Variants in RAD51B observed in about 807,000 individuals in gnomAD.
RAD51B encodes DNA repair protein RAD51 homolog 2.
In RAD51B, 38 loss-of-function variants were observed where a neutral mutation model predicts 42.2. The observed-to-expected ratio is 0.90, with a 90% confidence interval of 0.70 to 1.18. RAD51B has a LOEUF of 1.18. Among genes scored for constraint, RAD51B ranks in the 50% most tolerant of loss-of-function variants. RAD51B has a pLI of 0.00. For missense variants in RAD51B, 373 were observed against 400.7 expected (o/e 0.93, Z 0.59); for synonymous variants, 154 against 145.2 (o/e 1.06, Z -0.43).
At chr14:68,675,423 G>C (rs1893283802) in intron 11 of RAD51B, among the ~76,000 whole-genome samples, 1 of 152,150 alleles carries the variant, frequency 6.6e-6, no homozygotes, top group Admixed American at 6.5e-5. Flanking sequence ...TATTCTCACA[G>C]CTTGCTTAGG....
chr14:67,840,979 T>C (rs909538768), intron 4 of RAD51B, among the ~76,000 whole-genome samples: 3 of 152,138 alleles, frequency 2.0e-5, no homozygotes, highest in African/African-American at 4.8e-5. Context: ...TTTTATTTTT[T>C]AGTAGAGATG....
chr14:68,452,256 T>C lies in RAD51B; in HGVS notation c.958-15916T>C, dbSNP rs2085575368. 2.0e-5 allele frequency among the ~76,000 whole-genome samples: 3 copies of C among 152,354 alleles called. 1 individual carries two copies. The South Asian group carries it at 6.2e-4, about 32-fold the overall frequency. On this transcript the variant is annotated intron_variant, in intron 9 of 10. Transcript: ENST00000471583. Reference sequence around the variant, plus strand: ...TGGATTTCTGTTGCTTGAAATTCCTTGCGACAGTATTTGTTTGCTTTAATT... The same window carrying C: ...TGGATTTCTGTTGCTTGAAATTCCTCGCGACAGTATTTGTTTGCTTTAATT...
chr14:68,649,207 C>G (rs982703096), intron 10 of RAD51B, among the ~76,000 whole-genome samples: 4 of 152,190 alleles, frequency 2.6e-5, no homozygotes, highest in African/African-American at 4.8e-5. Flanking sequence ...GGTTGAGCAG[C>G]TTGCTTTATA....
At chr14:68,601,732 A>G (rs1185609502) in intron 10 of RAD51B, among the ~76,000 whole-genome samples, 2 of 152,094 alleles carry the variant, frequency 1.3e-5, no homozygotes, top group African/African-American at 2.4e-5. Flanking sequence ...TGCCCTCCAC[A>G]TGCAGGCCCA....
At chr14:68,371,288 G>C (rs2083258840) in intron 8 of RAD51B, among the ~76,000 whole-genome samples, 2 of 152,064 alleles carry the variant, frequency 1.3e-5, no homozygotes, top group South Asian at 4.1e-4. Flanking sequence ...GGAGGCTGAG[G>C]TAGGCAGATC....
At chr14:68,059,614 T>C (rs1459211842) in intron 7 of RAD51B, among the ~76,000 whole-genome samples, 1 of 152,242 alleles carries the variant, frequency 6.6e-6, no homozygotes, top group Non-Finnish European at 1.5e-5. Context: ...AAAACTTAGG[T>C]CATATACGAC....
intron 7 of RAD51B, among the ~76,000 whole-genome samples, chr14:68,266,473 C>T (rs1189182904): frequency 6.6e-6 from 1 of 152,174 alleles, no homozygotes; most frequent in Non-Finnish European, 1.5e-5. Context: ...GAAGATAGGT[C>T]AGAAAATTAT....
chr14:67,972,192 T>A (rs1169202291), intron 7 of RAD51B, among the ~76,000 whole-genome samples: 2 of 151,824 alleles, frequency 1.3e-5, no homozygotes, highest in African/African-American at 4.8e-5. Context: ...TGGTGTCAGA[T>A]AGCAGGCAGA....
intron 7 of RAD51B, among the ~76,000 whole-genome samples, chr14:68,093,390 A>T (rs2077136652): frequency 6.6e-6 from 1 of 151,982 alleles, no homozygotes; most frequent in Non-Finnish European, 1.5e-5. Context: ...CTGTTATTGG[A>T]CTATTCAGAG....
chr14:68,491,922 T>G (rs1476476252), intron 10 of RAD51B, among the ~76,000 whole-genome samples: 1 of 152,214 alleles, frequency 6.6e-6, no homozygotes, highest in Non-Finnish European at 1.5e-5. Context: ...AGAGTGAAAG[T>G]GGAGTCCTTC....
At chr14:68,408,480 T>C (rs1176135394) in intron 8 of RAD51B, among the ~76,000 whole-genome samples, 2 of 152,150 alleles carry the variant, frequency 1.3e-5, no homozygotes, top group Non-Finnish European at 2.9e-5. Context: ...GACAAAGGCG[T>C]AGAAACCATC....
chr14:68,654,188 C>T (rs980788734), intron 11 of RAD51B, among the ~76,000 whole-genome samples: 1 of 152,232 alleles, frequency 6.6e-6, no homozygotes, highest in Non-Finnish European at 1.5e-5. Flanking sequence ...TGAGGCAGAA[C>T]GTGCAGGATA....
chr14:68,298,287 A>C (rs1441696297), intron 8 of RAD51B, among the ~76,000 whole-genome samples: 1 of 152,226 alleles, frequency 6.6e-6, no homozygotes, highest in Non-Finnish European at 1.5e-5. Flanking sequence ...GAGGATTTTC[A>C]GCCTGGAGGC....
chr14:67,849,949 T>G (rs547626312), intron 4 of RAD51B, among the ~76,000 whole-genome samples: 1 of 152,360 alleles, frequency 6.6e-6, no homozygotes, highest in South Asian at 2.1e-4. Context: ...TGGATTTTTC[T>G]GGTGCCAGCA....
intron 7 of RAD51B, among the ~76,000 whole-genome samples, chr14:67,904,158 G>C (rs1299885562): frequency 6.6e-6 from 1 of 151,966 alleles, no homozygotes; most frequent in Non-Finnish European, 1.5e-5. Context: ...TTCACCGTTA[G>C]TGGGCATTTA....
At chr14:68,646,033 A>G (rs1892557884) in intron 10 of RAD51B, among the ~76,000 whole-genome samples, 1 of 151,896 alleles carries the variant, frequency 6.6e-6, no homozygotes, top group South Asian at 2.1e-4. Flanking sequence ...AGTATTCATC[A>G]TATACCTGAA....
intron 7 of RAD51B, among the ~76,000 whole-genome samples, chr14:68,290,690 T>G (rs2139657242): frequency 6.6e-6 from 1 of 152,290 alleles, no homozygotes; most frequent in East Asian, 1.9e-4. Flanking sequence ...TTCTTTAGAG[T>G]CAAACTCATT....
intron 8 of RAD51B, among the ~76,000 whole-genome samples, chr14:68,293,424 C>T (rs1950897): frequency 0.58 from 87,951 of 151,972 alleles, 29,105 homozygotes; most frequent in East Asian, 0.88. Flanking sequence ...CCTCCCTTTG[C>T]GTAGACTGGT....
At chr14:68,535,801 C>G (rs962727505) in intron 10 of RAD51B, among the ~76,000 whole-genome samples, 7 of 152,172 alleles carry the variant, frequency 4.6e-5, no homozygotes, top group Non-Finnish European at 1.0e-4. Flanking sequence ...CCTCTCCTAA[C>G]TCTCAGTGAG....
Sources: gnomAD v4.1 joint callset for allele counts (sites outside exome capture counted in the v4.1 genomes callset) on GRCh38, gnomAD v4.1.1 for gene constraint, MANE v1.5 for transcripts, NCBI Gene and HGNC (gene_info 2026-07-23, HGNC 2026-07-21) for gene names.